The following CSNK1G1 variants were observed in gnomAD, a reference collection of about 807,000 sequenced individuals.
CSNK1G1 encodes casein kinase I isoform gamma-1.
In CSNK1G1, 22 loss-of-function variants were observed where a neutral mutation model predicts 59.6. That is an observed-to-expected ratio of 0.37 (90% CI 0.26 to 0.53). CSNK1G1 has a LOEUF of 0.53. Among genes scored for constraint, CSNK1G1 ranks in the 20% least tolerant of loss-of-function variants. The probability of loss-of-function intolerance (pLI) is 0.89; values close to 1 mark genes in which losing one functional copy is unlikely to be tolerated. For synonymous variants in CSNK1G1, 179 were observed against 177.1 expected, an observed-to-expected ratio of 1.01 and a Z score of -0.08; for missense variants, 384 against 519.5, an observed-to-expected ratio of 0.74 and a Z score of 2.54.
chr15:64,263,290 G>C (rs1481320990), intron 2 of CSNK1G1, among the ~76,000 whole-genome samples: 1 of 151,754 alleles, frequency 6.6e-6, no homozygotes, highest in African/African-American at 2.4e-5. Context: ...CATGGTTCAA[G>C]CGATTCTCCT....
At chr15:64,234,995 G>A (rs1292824758) in intron 4 of CSNK1G1, among the ~76,000 whole-genome samples, 4 of 152,112 alleles carry the variant, frequency 2.6e-5, no homozygotes, top group Non-Finnish European at 5.9e-5. Flanking sequence ...AGAGAAGGCT[G>A]GTAATGTAGA....
Position 64,207,514 on chromosome 15 carries a change from G to A in CSNK1G1, c.760C>T (p.Leu254Phe). The change falls in exon 7 of 12, where the codon CTC (leucine) becomes TTC (phenylalanine). Residue 254 changes from leucine (L) to phenylalanine (F), a missense_variant. Leu to Phe is a conservative substitution (Grantham distance 22, BLOSUM62 0). Around this residue, in one of 3 missense-constraint regions of CSNK1G1, gnomAD observed 325 missense variants for 440.9 expected, o/e 0.74. Transcript: ENST00000303052. ...CTGAACACTTTCAAGGATACCTTGA[G>A]TCCTTGCCAGGGGAGGCTGCCTCGA... is the stretch of plus-strand genomic sequence containing the variant. The part of the protein sequence containing the change: ...FLRGSLPWQG[L>F]KADTLKERYQ... 6.2e-7 allele frequency: 1 copy of A among 1,610,270 alleles called. No individual in the cohort carries two copies. Among genetic ancestry groups the A allele is most frequent in the Non-Finnish European group, 8.5e-7 (1 of 1,176,512 alleles).
rs1347253352 is a variant in CSNK1G1 at position 64,331,194 on chromosome 15, A to G, written c.-225+24794T>C. ...AAAACTACTTTAAAGTTCATATGGA[A>G]CCAAAAAAGAGCCCGCATTGCCAAG... On this transcript the variant is annotated intron_variant, in intron 1 of 11. Coordinates refer to ENST00000303052, the MANE Select transcript of CSNK1G1 (RefSeq NM_022048.5). Among the ~76,000 whole-genome samples the G allele has an allele frequency of 2.9e-5, 4 of 139,680 alleles. No homozygotes were observed. In the Admixed American group the frequency reaches 3.0e-4, roughly 10 times the overall value. 91.6% of individuals were successfully genotyped at this position (139,680 alleles called of 152,430 possible). A position where few individuals can be genotyped will look rare whatever the true frequency, so the allele number is the denominator to read the frequency against.
intron 4 of CSNK1G1, among the ~76,000 whole-genome samples, chr15:64,219,134 C>T (rs1353437844): frequency 3.3e-5 from 5 of 152,262 alleles, no homozygotes; most frequent in East Asian, 1.9e-4. Context: ...GGATTACAGG[C>T]GTGAGCCACC....
chr15:64,236,142 C>CAAAAAAAAAAAAAA (rs532663571), intron 4 of CSNK1G1, among the ~76,000 whole-genome samples: 1 of 68,006 alleles, frequency 1.5e-5, no homozygotes. Flanking sequence ...GACTCCATCT[C>CAAAAAAAAAAAAAA]AAAAAAAAAA....
intron 10 of CSNK1G1, chr15:64,189,612 G>T: frequency 2.7e-6 from 1 of 371,364 alleles, no homozygotes; most frequent in South Asian, 5.5e-5. Context: ...AAACCAGAAA[G>T]GACTATAAAT....
intron 1 of CSNK1G1, among the ~76,000 whole-genome samples, chr15:64,325,019 G>A (rs1466284244): frequency 6.6e-6 from 1 of 152,132 alleles, no homozygotes; most frequent in Non-Finnish European, 1.5e-5. Flanking sequence ...ATATGTGTTA[G>A]CAGGGTAACT....
chr15:64,232,831 A>T (rs533319662), intron 4 of CSNK1G1, among the ~76,000 whole-genome samples: 2 of 152,350 alleles, frequency 1.3e-5, no homozygotes, highest in East Asian at 3.9e-4. Context: ...GTATACAGTA[A>T]GAGAAATACG....
intron 1 of CSNK1G1, among the ~76,000 whole-genome samples, chr15:64,351,971 T>C (rs1039955825): frequency 6.6e-6 from 1 of 152,102 alleles, no homozygotes; most frequent in African/African-American, 2.4e-5. Flanking sequence ...AAGCATATGA[T>C]CTCAACTTTA....
chr15:64,207,589 T>A lies in CSNK1G1; in HGVS notation c.685A>T (p.Ser229Cys). Residue 229 changes from serine (S) to cysteine (C), a missense_variant, in exon 7 of 12, where the codon AGC becomes TGC. Ser to Cys is a moderately radical substitution (Grantham distance 112). Coordinates refer to ENST00000303052, the MANE Select transcript of CSNK1G1 (RefSeq NM_022048.5). ...SINTHLGKEQSRRDDLEALGH... is the reference protein window; with the variant it reads ...SINTHLGKEQCRRDDLEALGH... ...AGGGCTTCCAAATCATCTCTCCGGC[T>A]TTGCTCTAAAAGGGAAGACAGATCA... 1 of 1,613,488 alleles carries A rather than the reference T, an allele frequency of 6.2e-7. No homozygotes were observed. The highest frequency in any genetic ancestry group is 8.5e-7 in the Non-Finnish European group (1 of 1,179,454).
Position 64,214,095 on chromosome 15 carries a change from C to G in CSNK1G1, c.474G>C (p.Lys158Asn), listed in dbSNP as rs1391111545. The change falls in exon 6 of 12, where the codon AAG becomes AAC. Residue 158 changes from lysine to asparagine, a missense_variant. This residue lies in a region of CSNK1G1 where 325 missense variants were observed against 440.9 expected (regional missense o/e 0.74). Coordinates refer to ENST00000303052, the MANE Select transcript of CSNK1G1 (RefSeq NM_022048.5). The surrounding 1 kb of genome is among the most constrained non-coding windows in gnomAD (Gnocchi z 4.3). ...GCTTGACATCTCGGTAAATGAGGTT[C>G]TTTGAGTGCACGTATTCCATTCGAG... ...LLSRMEYVHS[K>N]NLIYRDVKPE... 1 of 1,613,822 alleles carries G rather than the reference C, an allele frequency of 6.2e-7. No homozygotes were observed. Among genetic ancestry groups the G allele is most frequent in the Non-Finnish European group, 8.5e-7 (1 of 1,179,908 alleles).
chr15:64,356,130 A>G lies in CSNK1G1; in HGVS notation c.-367T>C, dbSNP rs1898664732. 6.6e-6 allele frequency: 1 copy of G among 151,952 alleles called. No individual in the cohort carries two copies. The highest frequency in any genetic ancestry group is 1.5e-5 in the Non-Finnish European group (1 of 67,900). 9.4% of individuals were successfully genotyped at this position (151,952 alleles called of 1,614,324 possible). A position where few individuals can be genotyped will look rare whatever the true frequency, so the allele number is the denominator to read the frequency against. On this transcript the variant is annotated 5_prime_UTR_variant, in exon 1 of 12. Coordinates refer to ENST00000303052, the MANE Select transcript of CSNK1G1 (RefSeq NM_022048.5). ...AGGGGAGAAGGCGGACGGGAGGGGG[A>G]AGGCGAGGAGCCGAGGGGCGGCTGG... is the stretch of plus-strand genomic sequence containing the variant.
In CSNK1G1 at chr15:64,300,559, T is replaced by G; in HGVS notation, c.-60A>C. 6.6e-7 allele frequency: 1 copy of G among 1,511,316 alleles called. No homozygotes were observed. Among genetic ancestry groups the G allele is most frequent in the Non-Finnish European group, 8.9e-7 (1 of 1,126,746 alleles). The allele number at this position is 1,511,316 out of a possible 1,614,324, so 93.6% of individuals were successfully genotyped here. A position where few individuals can be genotyped will look rare whatever the true frequency, so the allele number is the denominator to read the frequency against. ...AGTAGCTTCAGTATGTATACCTCTC[T>G]TCAATACAAAAGTATGTCCAAATAA... On this transcript the variant is annotated 5_prime_UTR_variant, in exon 2 of 12. Coordinates refer to ENST00000303052, the MANE Select transcript of CSNK1G1 (RefSeq NM_022048.5).
At chr15:64,352,612 A>C (rs965583722) in intron 1 of CSNK1G1, among the ~76,000 whole-genome samples, 11 of 150,136 alleles carry the variant, frequency 7.3e-5, no homozygotes, top group African/African-American at 2.4e-4. Context: ...TGCCTGACTA[A>C]TGTTGTATTT....
intron 4 of CSNK1G1, among the ~76,000 whole-genome samples, chr15:64,231,046 C>A (rs1369438792): frequency 6.6e-6 from 1 of 150,880 alleles, no homozygotes; most frequent in East Asian, 1.9e-4. Flanking sequence ...ATTAATTAAG[C>A]CTGGGCATGG....
At chr15:64,345,688 T>C (rs1897916097) in intron 1 of CSNK1G1, among the ~76,000 whole-genome samples, 1 of 152,202 alleles carries the variant, frequency 6.6e-6, no homozygotes, top group South Asian at 2.1e-4. Flanking sequence ...TCTAATTACA[T>C]TCGAGAACGT....
At chr15:64,212,551 T>TA (rs1435114390) in intron 6 of CSNK1G1, among the ~76,000 whole-genome samples, 1 of 151,994 alleles carries the variant, frequency 6.6e-6, no homozygotes, top group Admixed American at 6.6e-5. Flanking sequence ...TCTATCTCTA[T>TA]AAAAAAATTT....
chr15:64,323,213 T>C (rs927260555), intron 1 of CSNK1G1, among the ~76,000 whole-genome samples: 2 of 152,042 alleles, frequency 1.3e-5, no homozygotes, highest in Admixed American at 1.3e-4. Flanking sequence ...AAGTGTAAGC[T>C]AGCACAACCA....
intron 4 of CSNK1G1, among the ~76,000 whole-genome samples, chr15:64,244,366 TAAA>T (rs142844348): frequency 1.8e-5 from 2 of 110,958 alleles, no homozygotes; most frequent in Admixed American, 9.2e-5. Flanking sequence ...ACTGAAAAAT[TAAA>T]AAAAAAAAAA....
Sources: gnomAD v4.1 joint callset for allele counts (sites outside exome capture counted in the v4.1 genomes callset) on GRCh38, gnomAD v4.1.1 for gene constraint, gnomAD v4.1.1 regional missense constraint, Gnocchi (gnomAD v3.1) non-coding constraint, MANE v1.5 for transcripts, NCBI Gene and HGNC (gene_info 2026-07-23, HGNC 2026-07-21) for gene names.